Variants in CDH13 observed in about 807,000 individuals in gnomAD.
CDH13 encodes the protein cadherin-13.
A neutral mutation model predicts 63.8 loss-of-function variants in CDH13; 24 were observed. That is an observed-to-expected ratio of 0.38 (90% confidence interval 0.27 to 0.53). CDH13 has a LOEUF of 0.53. Ranked by LOEUF, CDH13 falls within the 20% of genes least tolerant of loss-of-function variation. The pLI is 0.85. For synonymous variants in CDH13, 503 were observed against 355.3 expected, an observed-to-expected ratio of 1.42 and a Z score of -4.67; for missense variants, 1,049 against 903.1, an observed-to-expected ratio of 1.16 and a Z score of -2.07.
At chr16:83,016,023 A>C (rs1024992415) in intron 2 of CDH13, among the ~76,000 whole-genome samples, 14 of 152,174 alleles carry the variant, frequency 9.2e-5, no homozygotes, top group Admixed American at 7.2e-4. Context: ...TGGAGAAATC[A>C]CAGAAAAATG....
At chr16:83,367,278 T>C (rs2091276431) in intron 6 of CDH13, among the ~76,000 whole-genome samples, 1 of 152,250 alleles carries the variant, frequency 6.6e-6, no homozygotes, top group African/African-American at 2.4e-5. Context: ...TCAGGTTTTA[T>C]TCATGTTGTA....
chr16:83,765,423 A>T (rs752680836), intron 11 of CDH13, among the ~76,000 whole-genome samples: 3 of 152,230 alleles, frequency 2.0e-5, no homozygotes, highest in Admixed American at 6.5e-5. Context: ...AGCCCAAATT[A>T]TGTGGATAAT....
At chr16:83,012,426 T>C (rs1184019315) in intron 2 of CDH13, among the ~76,000 whole-genome samples, 1 of 151,898 alleles carries the variant, frequency 6.6e-6, no homozygotes, top group Non-Finnish European at 1.5e-5. Flanking sequence ...ATCGCTATTT[T>C]CCTACCACCT....
intron 3 of CDH13, among the ~76,000 whole-genome samples, chr16:83,107,063 A>G (rs985031834): frequency 1.3e-5 from 2 of 152,206 alleles, no homozygotes; most frequent in Non-Finnish European, 2.9e-5. Flanking sequence ...AAATGTGAAG[A>G]GCAAACCAAA....
At chr16:83,029,707 C>T (rs762640399) in intron 2 of CDH13, among the ~76,000 whole-genome samples, 7 of 152,058 alleles carry the variant, frequency 4.6e-5, no homozygotes, top group Non-Finnish European at 1.0e-4. Context: ...AATGTAGCCT[C>T]TGGGGAAGAG....
At chr16:83,345,132 C>T (rs1046942032) in intron 6 of CDH13, 126 bp downstream of exon 6, 2 of 1,084,078 alleles carry the variant, frequency 1.8e-6, no homozygotes, top group Non-Finnish European at 2.6e-6. Flanking sequence ...CGACTTAATA[C>T]TTCCCTGCGT....
Position 83,133,388 on chromosome 16 carries a change from CT to C in CDH13, c.483+7896del, listed in dbSNP as rs966286985. Among the ~76,000 whole-genome samples, 107 of 151,090 alleles carry C rather than the reference CT, an allele frequency of 7.1e-4. 1 individual carries two copies. Among genetic ancestry groups the C allele is most frequent in the Middle Eastern group, 6.8e-3 (2 of 294 alleles). ...AACAAATCCCTTGTATTTCTTTTCA[CT>C]TTTTTTTTAACGTGGCTGCCAGAAA... On this transcript the variant is annotated intron_variant, in intron 4 of 13. Coordinates refer to ENST00000567109, the MANE Select transcript of CDH13 (RefSeq NM_001257.5).
At chr16:82,844,728 C>T (rs1379150384) in intron 1 of CDH13, 1 of 147,344 alleles carries the variant, frequency 6.8e-6, no homozygotes, top group African/African-American at 2.5e-5. Context: ...TAAGCTCCGC[C>T]TCCCGGGTTC....
chr16:83,553,098 A>G (rs1413251084), intron 7 of CDH13, among the ~76,000 whole-genome samples: 2 of 148,830 alleles, frequency 1.3e-5, no homozygotes, highest in African/African-American at 4.9e-5. Flanking sequence ...AAAAAAAGTG[A>G]CTGTGGTTAT....
chr16:83,269,425 ACAT>A (rs148473270), intron 5 of CDH13, among the ~76,000 whole-genome samples: 2,167 of 152,308 alleles, frequency 0.014, 49 homozygotes, highest in African/African-American at 0.049. Context: ...AAACTATCCC[ACAT>A]CATCTATTTG....
chr16:83,293,039 A>C (rs1402222690), intron 5 of CDH13, among the ~76,000 whole-genome samples: 1 of 152,212 alleles, frequency 6.6e-6, no homozygotes, highest in Non-Finnish European at 1.5e-5. Context: ...TGAGTCAATT[A>C]CATAACAGCA....
chr16:82,965,220 T>G (rs952401710), intron 2 of CDH13, among the ~76,000 whole-genome samples: 4 of 152,244 alleles, frequency 2.6e-5, no homozygotes, highest in South Asian at 4.1e-4. Flanking sequence ...AAGTACTCCT[T>G]GTCTTTTTAC....
intron 5 of CDH13, among the ~76,000 whole-genome samples, chr16:83,333,881 A>G (rs531360246): frequency 2.6e-4 from 39 of 152,318 alleles, no homozygotes; most frequent in African/African-American, 8.7e-4. Context: ...TGGCCACTGT[A>G]TTAATGTCCT....
In CDH13 at chr16:83,164,896, A is replaced by T. The variant is rs186577853; in HGVS notation, c.483+39395A>T. On this transcript the variant is annotated intron_variant, in intron 4 of 13. Transcript: ENST00000567109. ...CAAAGTGGACATTATTATCTTACAGATAAAAACACTAATGCTTGGAGAGTT... is the reference window on the plus strand; with the variant it reads ...CAAAGTGGACATTATTATCTTACAGTTAAAAACACTAATGCTTGGAGAGTT... Among the ~76,000 whole-genome samples the T allele has an allele frequency of 7.8e-3, 1,191 of 151,840 alleles. 16 individuals are homozygous for T. Among genetic ancestry groups the T allele is most frequent in the African/African-American group, 0.027 (1,131 of 41,328 alleles).
At chr16:83,371,702 G>A (rs747599855) in intron 6 of CDH13, among the ~76,000 whole-genome samples, 11 of 152,152 alleles carry the variant, frequency 7.2e-5, no homozygotes, top group Non-Finnish European at 1.0e-4. Flanking sequence ...ACTTACATAT[G>A]AATCACTGAA....
intron 1 of CDH13, among the ~76,000 whole-genome samples, chr16:82,842,118 A>G (rs1233459513): frequency 4.5e-5 from 2 of 44,646 alleles, no homozygotes; most frequent in African/African-American, 7.5e-5. Context: ...ATATGTATAT[A>G]TATATATATA....
intron 5 of CDH13, among the ~76,000 whole-genome samples, chr16:83,315,807 T>C (rs368609499): frequency 6.6e-6 from 1 of 152,270 alleles, no homozygotes; most frequent in African/African-American, 2.4e-5. Context: ...GGGTGAATGT[T>C]CTTTCAGTTC....
intron 8 of CDH13, among the ~76,000 whole-genome samples, chr16:83,632,865 G>A (rs922661094): frequency 6.6e-6 from 1 of 151,590 alleles, no homozygotes; most frequent in African/African-American, 2.4e-5. Flanking sequence ...AACAAAAGGT[G>A]GATTATTCTT....
At chr16:83,190,718 C>G (rs2038671534) in intron 4 of CDH13, among the ~76,000 whole-genome samples, 1 of 152,106 alleles carries the variant, frequency 6.6e-6, no homozygotes, top group Non-Finnish European at 1.5e-5. Context: ...AGTTATTTTT[C>G]CAAGGCAGTA....
Sources: gnomAD v4.1 joint callset for allele counts (sites outside exome capture counted in the v4.1 genomes callset) on GRCh38, gnomAD v4.1.1 for gene constraint, MANE v1.5 for transcripts, NCBI Gene and HGNC (gene_info 2026-07-23, HGNC 2026-07-21) for gene names.